JOSD1: variants seen among roughly 807,000 people sequenced by gnomAD.
JOSD1 encodes josephin-1.
A neutral mutation model predicts 24.3 loss-of-function variants in JOSD1; 11 were observed. That is an observed-to-expected ratio of 0.45 (90% confidence interval 0.29 to 0.75). JOSD1 has a LOEUF of 0.75. Among genes scored for constraint, JOSD1 ranks in the 30% least tolerant of loss-of-function variants. The pLI, the probability that JOSD1 is intolerant of heterozygous loss-of-function variation, is 0.11. For synonymous variants in JOSD1, 106 were observed against 93.8 expected, an observed-to-expected ratio of 1.13 and a Z score of -0.75; for missense variants, 184 against 253.5, an observed-to-expected ratio of 0.73 and a Z score of 1.86.
In JOSD1 at chr22:38,687,871, G is replaced by T; in HGVS notation, c.*31C>A. On this transcript the variant is annotated 3_prime_UTR_variant, in exon 5 of 5. Coordinates refer to ENST00000683374, the MANE Select transcript of JOSD1 (RefSeq NM_001360236.2). The stretch of plus-strand genomic sequence containing the variant: ...CAGCACGTCACAGAGGACTGAAGGG[G>T]CTGAGGCGAGAGGGAGGTTGGGCAG... 6.8e-7 allele frequency: 1 copy of T among 1,463,114 alleles called. No individual in the cohort carries two copies. Among genetic ancestry groups the T allele is most frequent in the Non-Finnish European group, 9.6e-7 (1 of 1,042,460 alleles). The allele number at this position is 1,463,114 out of a possible 1,614,324, so 90.6% of individuals were successfully genotyped here.
Position 38,700,289 on chromosome 22 carries a change from TCCC to T in JOSD1, c.-305_-303del. 1.2e-5 allele frequency: 11 copies of T among 894,266 alleles called. No homozygotes were observed. The highest frequency in any genetic ancestry group is 9.4e-5 in the East Asian group (1 of 10,686). 55.4% of individuals were successfully genotyped at this position (894,266 alleles called of 1,614,324 possible). A position where few individuals can be genotyped will look rare whatever the true frequency, so the allele number is the denominator to read the frequency against. On this transcript the variant is annotated 5_prime_UTR_variant, in exon 2 of 5. Coordinates refer to ENST00000683374, the MANE Select transcript of JOSD1 (RefSeq NM_001360236.2). ...GACCTTGTTTCCGTTTCCCCACCCT[TCCC>T]TCCCACCCCCCTCCAAAATCCCCAC...
chr22:38,696,246 T>C (rs1292208456), intron 2 of JOSD1, among the ~76,000 whole-genome samples: 1 of 151,912 alleles, frequency 6.6e-6, no homozygotes, highest in Non-Finnish European at 1.5e-5. Flanking sequence ...CCCCCCTTTT[T>C]TTTTTTGAGA....
chr22:38,689,677 C>CA (rs2092513220), intron 2 of JOSD1, among the ~76,000 whole-genome samples: 1 of 145,836 alleles, frequency 6.9e-6, no homozygotes, highest in South Asian at 2.2e-4. Context: ...TCATGCAAGC[C>CA]TTTTTTTTTT....
At chr22:38,695,444 G>GA (rs774166895) in intron 2 of JOSD1, among the ~76,000 whole-genome samples, 4,748 of 114,788 alleles carry the variant, frequency 0.041, 165 homozygotes, top group Non-Finnish European at 0.064. Context: ...TTTTTGCCTA[G>GA]TTTTTTTTTT....
rs995961371 is a variant in JOSD1, at chr22:38,691,389, A to G, written c.186-1965T>C. Among the ~76,000 whole-genome samples, 4 of 151,900 alleles carry G rather than the reference A, an allele frequency of 2.6e-5. No homozygotes were observed. The East Asian group carries it at 5.8e-4, about 22-fold the overall frequency. On this transcript the variant is annotated intron_variant, in intron 2 of 4. Transcript: ENST00000683374. ...AAGAAAAAAAAAAAAAACCCACAGA[A>G]TTAAAAACAACAAACATACTCCTGC...
In JOSD1 at chr22:38,699,913, T is replaced by G. The variant is rs773188976; in HGVS notation, c.75A>C (p.Gln25His). The G allele has an allele frequency of 1.1e-5, 17 of 1,614,028 alleles. No homozygotes were observed. Among genetic ancestry groups the G allele is most frequent in the Non-Finnish European group, 1.4e-5 (17 of 1,180,008 alleles). ...SLELPQAAPP[Q>H]IYHEKQRREL... ...CCCTGCGCTGTTTCTCATGGTAGATTTGTGGGGGTGCTGCCTGGGGCAGCT... is the reference window on the plus strand; with the variant it reads ...CCCTGCGCTGTTTCTCATGGTAGATGTGTGGGGGTGCTGCCTGGGGCAGCT... Residue 25 changes from glutamine (Q) to histidine (H), a missense_variant, in exon 2 of 5, where the codon CAA becomes CAC. Physicochemically the swap from Gln to His is conservative, Grantham distance 24. Coordinates refer to ENST00000683374, the MANE Select transcript of JOSD1 (RefSeq NM_001360236.2).
chr22:38,700,846 G>T lies in JOSD1; in HGVS notation c.-678C>A. 2 of 984,366 alleles carry T rather than the reference G, an allele frequency of 2.0e-6. No individual in the cohort carries two copies. Among genetic ancestry groups the T allele is most frequent in the Non-Finnish European group, 2.4e-6 (2 of 829,566 alleles). The allele number at this position is 984,366 out of a possible 1,614,324, so 61.0% of individuals were successfully genotyped here. ...GCAGGCCCAGACGCCCTCCCGCCGC[G>T]CCCCCGGCCGCAGACCCCAGGGCCG... On this transcript the variant is annotated 5_prime_UTR_variant, in exon 1 of 5. Transcript: ENST00000683374.
chr22:38,687,003 A>G lies in JOSD1; in HGVS notation c.*899T>C, dbSNP rs2092500810. 1 of 152,204 alleles carries G rather than the reference A, an allele frequency of 6.6e-6. No homozygotes were observed. The highest frequency in any genetic ancestry group is 1.5e-5 in the Non-Finnish European group (1 of 68,064). 9.4% of individuals were successfully genotyped at this position (152,204 alleles called of 1,614,324 possible). On this transcript the variant is annotated 3_prime_UTR_variant, in exon 5 of 5. Coordinates refer to ENST00000683374, the MANE Select transcript of JOSD1 (RefSeq NM_001360236.2). ...CTGTTCAGTATCCTCCTCACTTCAT[A>G]CTAGAATATTAGTTAATTTTTCATT...
rs561233558 is a variant in JOSD1, at chr22:38,700,923, G to A, written c.-755C>T. 4 of 984,532 alleles carry A rather than the reference G, an allele frequency of 4.1e-6. No homozygotes were observed. The highest frequency in any genetic ancestry group is 1.8e-5 in the African/African-American group (1 of 57,128). 61.0% of individuals were successfully genotyped at this position (984,532 alleles called of 1,614,324 possible). On this transcript the variant is annotated 5_prime_UTR_variant, in exon 1 of 5. Transcript: ENST00000683374. ...CCTCACCGCAGCCGGCCGCCACCTG[G>A]AGTGCGCGCCGCCAACTGGGCCGTG...
rs537303780 is a variant in JOSD1 at position 38,700,468 on chromosome 22, C to T, written c.-481G>A. ...GCCTGGGTGACGGATAAATTTAGCG[C>T]ACGAGTCGAGTAGCTAGCGCGGGCC... On this transcript the variant is annotated 5_prime_UTR_variant, in exon 2 of 5. Transcript: ENST00000683374. The T allele has an allele frequency of 1.1e-4, 110 of 986,546 alleles. 1 individual carries two copies. The highest frequency in any genetic ancestry group is 1.3e-4 in the Non-Finnish European group (107 of 830,670). 61.1% of individuals were successfully genotyped at this position (986,546 alleles called of 1,614,324 possible).
At chr22:38,701,113 A>G (rs994805119), upstream of JOSD1, 9 of 402,270 alleles carry the variant, frequency 2.2e-5, no homozygotes, top group African/African-American at 1.3e-4. Flanking sequence ...CCGGGCGTGT[A>G]GGGGCGCAGT....
At chr22:38,689,677 CTTTT>C (rs527263886) in intron 2 of JOSD1, among the ~76,000 whole-genome samples, 1 of 145,836 alleles carries the variant, frequency 6.9e-6, no homozygotes, top group Non-Finnish European at 1.5e-5. Context: ...TCATGCAAGC[CTTTT>C]TTTTTTTTAA....
At chr22:38,693,699 C>A (rs999968239) in intron 2 of JOSD1, among the ~76,000 whole-genome samples, 1 of 152,166 alleles carries the variant, frequency 6.6e-6, no homozygotes, top group Non-Finnish European at 1.5e-5. Context: ...CCTGTCTCAG[C>A]CTCCCTCTTG....
At chr22:38,694,419 C>G (rs1362327428) in intron 2 of JOSD1, among the ~76,000 whole-genome samples, 2 of 152,148 alleles carry the variant, frequency 1.3e-5, no homozygotes, top group African/African-American at 4.8e-5. Flanking sequence ...CCTGATGATT[C>G]CAGTGGAAAG....
chr22:38,700,849 C>T lies in JOSD1; in HGVS notation c.-681G>A. 1 of 984,710 alleles carries T rather than the reference C, an allele frequency of 1.0e-6. No individual in the cohort carries two copies. The highest frequency in any genetic ancestry group is 1.2e-6 in the Non-Finnish European group (1 of 829,720). 61.0% of individuals were successfully genotyped at this position (984,710 alleles called of 1,614,324 possible). On this transcript the variant is annotated 5_prime_UTR_variant, in exon 1 of 5. Coordinates refer to ENST00000683374, the MANE Select transcript of JOSD1 (RefSeq NM_001360236.2). ...GGCCCAGACGCCCTCCCGCCGCGCC[C>T]CCGGCCGCAGACCCCAGGGCCGCCG...
rs181157311 is a variant in JOSD1 at position 38,689,165 on chromosome 22, C to G, written c.315-36G>C. 56 of 1,603,068 alleles carry G rather than the reference C, an allele frequency of 3.5e-5. No individual in the cohort carries two copies. In the Middle Eastern group the frequency reaches 5.1e-4, roughly 14 times the overall value. On this transcript the variant is annotated intron_variant, in intron 3 of 4. Coordinates refer to ENST00000683374, the MANE Select transcript of JOSD1 (RefSeq NM_001360236.2). ...GAAATGGTGGCAGGCTCTGATGCAGCCCATTTTCCAAGGTTCCCTGGCTGT... is the reference window on the plus strand; with the variant it reads ...GAAATGGTGGCAGGCTCTGATGCAGGCCATTTTCCAAGGTTCCCTGGCTGT...
upstream of JOSD1, chr22:38,701,009 A>AAC (rs1369439515): frequency 1.0e-6 from 1 of 980,344 alleles, no homozygotes; most frequent in African/African-American, 1.8e-5. Context: ...GTGCTCCGGA[A>AAC]ACGCCCTCCC....
At chr22:38,694,480 T>C (rs953975824) in intron 2 of JOSD1, among the ~76,000 whole-genome samples, 1 of 152,144 alleles carries the variant, frequency 6.6e-6, no homozygotes, top group Admixed American at 6.5e-5. Flanking sequence ...CTTAATGATT[T>C]CCATAGAAAT....
At chr22:38,692,899 GTC>G (rs1331165054) in intron 2 of JOSD1, among the ~76,000 whole-genome samples, 1 of 151,368 alleles carries the variant, frequency 6.6e-6, no homozygotes, top group East Asian at 1.9e-4. Context: ...TTTCACTGAA[GTC>G]TCTGACCAGT....
Sources: gnomAD v4.1 joint callset for allele counts (sites outside exome capture counted in the v4.1 genomes callset) on GRCh38, gnomAD v4.1.1 for gene constraint, MANE v1.5 for transcripts, NCBI Gene and HGNC (gene_info 2026-07-23, HGNC 2026-07-21) for gene names.